ARNT2: variants seen among roughly 807,000 people sequenced by gnomAD.
ARNT2 encodes the protein ARNT protein 2.
Under a neutral mutation model 91.7 loss-of-function variants are expected in ARNT2, and 36 were observed. The observed-to-expected ratio is 0.39, with a 90% CI of 0.30 to 0.52. The LOEUF is 0.52. ARNT2 is among the 20% of genes least tolerant of loss of function. The pLI is 0.72. For synonymous variants in ARNT2, 365 were observed against 347.1 expected (o/e 1.05, Z -0.57); for missense variants, 775 against 939.3 (o/e 0.83, Z 2.29).
chr15:80,581,245 C>T lies in ARNT2; in HGVS notation c.1759C>T (p.Pro587Ser). 1 of 1,614,078 alleles carries T rather than the reference C, an allele frequency of 6.2e-7. No homozygotes were observed. The highest frequency in any genetic ancestry group is 8.5e-7 in the Non-Finnish European group (1 of 1,179,986). Residue 587 changes from proline to serine, a missense_variant, in exon 17 of 19, where the codon CCA becomes TCA. Physicochemically the swap from Pro to Ser is moderately conservative, Grantham distance 74. Coordinates refer to ENST00000303329, the MANE Select transcript of ARNT2 (RefSeq NM_014862.4). The part of the protein sequence containing the change: ...SRPPFPGQQI[P>S]SQSSKTQSSP... ...TGCTTTGTCCTGATTGTAGCAAATCCCATCTCAGTCCAGCAAGACTCAGTC... is the reference window on the plus strand; with the variant it reads ...TGCTTTGTCCTGATTGTAGCAAATCTCATCTCAGTCCAGCAAGACTCAGTC...
chr15:80,523,971 C>G (rs1897594189), intron 8 of ARNT2, among the ~76,000 whole-genome samples: 1 of 152,080 alleles, frequency 6.6e-6, no homozygotes, highest in African/African-American at 2.4e-5. Flanking sequence ...TTTCTGTCTT[C>G]AAGTATTTGA....
chr15:80,573,309 C>T (rs1898615655), intron 12 of ARNT2, among the ~76,000 whole-genome samples: 1 of 152,174 alleles, frequency 6.6e-6, no homozygotes, highest in Admixed American at 6.5e-5. Context: ...TAGGTACATA[C>T]AGTACATGTA....
At chr15:80,435,696 G>A (rs367941073) in intron 1 of ARNT2, among the ~76,000 whole-genome samples, 1 of 152,188 alleles carries the variant, frequency 6.6e-6, no homozygotes, top group Non-Finnish European at 1.5e-5. Context: ...AGGCGTGTGG[G>A]CTTCAGAGAC....
rs1050634080 is a variant in ARNT2, at chr15:80,461,748, C to T, written c.194+3772C>T. On this transcript the variant is annotated intron_variant, in intron 3 of 18. Coordinates refer to ENST00000303329, the MANE Select transcript of ARNT2 (RefSeq NM_014862.4). The stretch of plus-strand genomic sequence containing the variant: ...TAGAAGGTGGCAGAGACGGATGGCA[C>T]GAGTTTCAGAGGAGGAGGCCTTTCT... Among the ~76,000 whole-genome samples, 7 of 151,994 alleles carry T rather than the reference C, an allele frequency of 4.6e-5. No homozygotes were observed. The South Asian group carries it at 1.2e-3, about 27-fold the overall frequency.
intron 8 of ARNT2, among the ~76,000 whole-genome samples, chr15:80,522,037 A>C (rs1434053415): frequency 6.6e-6 from 1 of 152,160 alleles, no homozygotes; most frequent in East Asian, 1.9e-4. Flanking sequence ...GGATGATTTG[A>C]AAGCAAAATA....
At chr15:80,537,607 C>T (rs572728255) in intron 8 of ARNT2, among the ~76,000 whole-genome samples, 14 of 152,284 alleles carry the variant, frequency 9.2e-5, no homozygotes, top group African/African-American at 3.1e-4. Context: ...GATACAGGAG[C>T]AGGTTCTCTC....
rs548713623 is a variant in ARNT2, at chr15:80,563,134, G to A, written c.1211G>A (p.Arg404His). The A allele has an allele frequency of 3.4e-5, 55 of 1,614,064 alleles. 1 individual carries two copies. Among genetic ancestry groups the A allele is most frequent in the African/African-American group, 2.4e-4 (18 of 74,974 alleles). The change falls in exon 12 of 19, where the codon CGC becomes CAC. Residue 404 changes from arginine (R) to histidine (H), a missense_variant. Transcript: ENST00000303329. ...GQVLSVMYRF[R>H]TKNREWMLIR... ...GTCCTGTCGGTCATGTATCGATTTC[G>A]CACCAAGAACCGGGAGTGGATGTTG...
intron 6 of ARNT2, among the ~76,000 whole-genome samples, chr15:80,511,132 G>A (rs961380721): frequency 1.3e-5 from 2 of 152,068 alleles, no homozygotes; most frequent in Non-Finnish European, 2.9e-5. Context: ...AACCTAAATG[G>A]CCATCAGTGA....
At chr15:80,530,380 G>C (rs536714473) in intron 8 of ARNT2, among the ~76,000 whole-genome samples, 1 of 152,254 alleles carries the variant, frequency 6.6e-6, no homozygotes, top group South Asian at 2.1e-4. Flanking sequence ...CTTACTGGGA[G>C]GGAGGGATAG....
intron 12 of ARNT2, among the ~76,000 whole-genome samples, chr15:80,571,968 G>A (rs142897200): frequency 0.015 from 2,254 of 152,276 alleles, 30 homozygotes; most frequent in Middle Eastern, 0.034. Flanking sequence ...TGTGAGGATT[G>A]GATGAGATAA....
intron 5 of ARNT2, among the ~76,000 whole-genome samples, chr15:80,507,358 T>C (rs903930995): frequency 3.3e-5 from 5 of 152,006 alleles, no homozygotes; most frequent in Non-Finnish European, 7.4e-5. Context: ...CAGAGATGTG[T>C]GTGCAGGCGG....
At chr15:80,490,996 G>T (rs1052330453) in intron 5 of ARNT2, among the ~76,000 whole-genome samples, 1 of 152,184 alleles carries the variant, frequency 6.6e-6, no homozygotes, top group African/African-American at 2.4e-5. Context: ...GCAGGGAAAG[G>T]CCTCTGAGGA....
intron 7 of ARNT2, 151 bp from the exon 8 acceptor site, chr15:80,514,169 T>G: frequency 2.1e-6 from 2 of 964,960 alleles, no homozygotes; most frequent in South Asian, 2.9e-5. Flanking sequence ...TCAGACCATG[T>G]GGGAGGAAGG....
At chr15:80,421,944 T>G (rs1307777164) in intron 1 of ARNT2, among the ~76,000 whole-genome samples, 1 of 152,136 alleles carries the variant, frequency 6.6e-6, no homozygotes, top group Non-Finnish European at 1.5e-5. Flanking sequence ...TAGTAAAGCA[T>G]GGACGAATTA....
intron 2 of ARNT2, among the ~76,000 whole-genome samples, chr15:80,454,323 A>C (rs541347845): frequency 6.6e-6 from 1 of 152,196 alleles, no homozygotes; most frequent in East Asian, 1.9e-4. Context: ...GCCCATCTCA[A>C]AGCCAGCTTT....
chr15:80,578,316 C>T (rs892154038), intron 15 of ARNT2, among the ~76,000 whole-genome samples: 1 of 152,064 alleles, frequency 6.6e-6, no homozygotes, highest in Non-Finnish European at 1.5e-5. Flanking sequence ...CTGACCAGGG[C>T]AGGGGTGCAA....
intron 5 of ARNT2, among the ~76,000 whole-genome samples, chr15:80,506,006 G>A (rs954044260): frequency 5.4e-5 from 8 of 149,456 alleles, no homozygotes; most frequent in African/African-American, 9.9e-5. Flanking sequence ...GCGCAATCTC[G>A]GCTCACTGAA....
At chr15:80,411,227 G>A (rs538660064) in intron 1 of ARNT2, among the ~76,000 whole-genome samples, 80 of 152,206 alleles carry the variant, frequency 5.3e-4, no homozygotes, top group African/African-American at 1.8e-3. Flanking sequence ...GGAGCACTTC[G>A]CCTCATGTAA....
At position 80,461,440 on chromosome 15, in the gene ARNT2, G is replaced by A. The variant is rs114140820; in HGVS notation, c.194+3464G>A. Among the ~76,000 whole-genome samples the A allele has an allele frequency of 4.4e-3, 676 of 152,324 alleles. 7 individuals carry two copies. Among genetic ancestry groups the A allele is most frequent in the African/African-American group, 0.015 (635 of 41,570 alleles). On this transcript the variant is annotated intron_variant, in intron 3 of 18. Coordinates refer to ENST00000303329, the MANE Select transcript of ARNT2 (RefSeq NM_014862.4). Reference sequence around the variant, plus strand: ...GAGTGAGAAGAGAATGGAGGAGGCCGGGGACGGGAAGTAGCAATGCGGTCA... The same window carrying A: ...GAGTGAGAAGAGAATGGAGGAGGCCAGGGACGGGAAGTAGCAATGCGGTCA...
Sources: gnomAD v4.1 joint callset for allele counts (sites outside exome capture counted in the v4.1 genomes callset) on GRCh38, gnomAD v4.1.1 for gene constraint, MANE v1.5 for transcripts, NCBI Gene and HGNC (gene_info 2026-07-23, HGNC 2026-07-21) for gene names.